Variants in ESRRB observed in about 807,000 individuals in gnomAD.
ESRRB encodes the protein steroid hormone receptor ERR2.
A neutral mutation model predicts 46.0 loss-of-function variants in ESRRB; 16 were observed. The observed-to-expected ratio is 0.35, with a 90% CI of 0.24 to 0.53. The LOEUF (loss-of-function observed/expected upper bound fraction) is 0.53, where lower values mean the gene tolerates loss of function less well. Among genes scored for constraint, ESRRB ranks in the 20% least tolerant of loss-of-function variants. ESRRB has a pLI of 0.93. For synonymous variants in ESRRB, 246 were observed against 259.6 expected (o/e 0.95, Z 0.50); for missense variants, 488 against 607.4 (o/e 0.80, Z 2.07).
chr14:76,334,453 C>T (rs1020732938), intron 1 of ESRRB, among the ~76,000 whole-genome samples: 4 of 152,190 alleles, frequency 2.6e-5, no homozygotes, highest in East Asian at 1.9e-4. Flanking sequence ...GTTGCAGCCT[C>T]GCGCTCACAG....
chr14:76,498,928 C>G lies in ESRRB; in HGVS notation c.*470C>G. 6.0e-6 allele frequency: 3 copies of G among 500,158 alleles called. No homozygotes were observed. Among genetic ancestry groups the G allele is most frequent in the South Asian group, 4.5e-5 (3 of 66,430 alleles). 31.0% of individuals were successfully genotyped at this position (500,158 alleles called of 1,614,324 possible). ...CAGAGGGCAGGTACGCAAGGGACAA[C>G]AGTATCTTTCTTCCAGAGGTCCTAC... On this transcript the variant is annotated 3_prime_UTR_variant, in exon 7 of 7. Transcript: ENST00000644823.
At chr14:76,336,847 TG>T (rs1469169366) in intron 1 of ESRRB, among the ~76,000 whole-genome samples, 1 of 151,954 alleles carries the variant, frequency 6.6e-6, no homozygotes, top group Non-Finnish European at 1.5e-5. Flanking sequence ...CTTACATTTA[TG>T]GGGGTGGGGG....
In ESRRB at chr14:76,376,257, CG is replaced by C. The variant is rs1003427516; in HGVS notation, c.-144del. 6.2e-6 allele frequency: 3 copies of C among 482,182 alleles called. No homozygotes were observed. In the Admixed American group the frequency reaches 1.3e-4, roughly 21 times the overall value. The allele number at this position is 482,182 out of a possible 1,614,324, so 29.9% of individuals were successfully genotyped here. On this transcript the variant is annotated 5_prime_UTR_variant, in exon 1 of 7. An upstream open reading frame in the 5' UTR gains an earlier in-frame stop. Coordinates refer to ENST00000644823, the MANE Select transcript of ESRRB (RefSeq NM_001379180.1). The surrounding 1 kb of genome is among the most constrained non-coding windows in gnomAD (Gnocchi z 4.1). ...CACGGCTCTCTGCCTCCCTCTCCCCCGCCGCGGCCGCCTCCTCCCACTCTGC... is the reference window on the plus strand; with the variant it reads ...CACGGCTCTCTGCCTCCCTCTCCCCCCCGCGGCCGCCTCCTCCCACTCTGC...
At chr14:76,489,260 C>G (rs1402312363) in intron 5 of ESRRB, among the ~76,000 whole-genome samples, 9 of 152,086 alleles carry the variant, frequency 5.9e-5, no homozygotes, top group Non-Finnish European at 1.2e-4. Context: ...AACACTCCCC[C>G]CAACACACTC....
chr14:76,315,236 C>T (rs1566849168), intron 1 of ESRRB, among the ~76,000 whole-genome samples: 3 of 150,580 alleles, frequency 2.0e-5, no homozygotes, highest in South Asian at 4.3e-4. Context: ...TCGAGGTCCT[C>T]GCCTGGTCTC....
chr14:76,481,012 T>C (rs1005109233), intron 3 of ESRRB, among the ~76,000 whole-genome samples: 4 of 152,282 alleles, frequency 2.6e-5, no homozygotes, highest in South Asian at 2.1e-4. Context: ...AGAAGGAACG[T>C]TGTCTGAGGC....
intron 1 of ESRRB, among the ~76,000 whole-genome samples, chr14:76,380,706 G>C (rs959596811): frequency 1.3e-5 from 2 of 152,188 alleles, no homozygotes; most frequent in African/African-American, 4.8e-5. Context: ...GGGAGCTTCT[G>C]TCGTAGAGTC....
chr14:76,491,201 C>G (rs1225912551), intron 5 of ESRRB, among the ~76,000 whole-genome samples: 1 of 152,248 alleles, frequency 6.6e-6, no homozygotes, highest in Non-Finnish European at 1.5e-5. Flanking sequence ...ATAACAACAA[C>G]TGTCAACATT....
At chr14:76,313,156 C>A (rs1883758625) in intron 1 of ESRRB, among the ~76,000 whole-genome samples, 2 of 152,196 alleles carry the variant, frequency 1.3e-5, no homozygotes, top group South Asian at 4.2e-4. Context: ...GAGGGCCTGG[C>A]TTTCATCCTC....
chr14:76,459,467 G>T (rs1014511755), intron 2 of ESRRB, among the ~76,000 whole-genome samples: 1 of 152,206 alleles, frequency 6.6e-6, no homozygotes, highest in East Asian at 1.9e-4. Context: ...GCAAAGCAAA[G>T]GCCTGGCGAC....
At chr14:76,334,714 C>T (rs1884105797) in intron 1 of ESRRB, among the ~76,000 whole-genome samples, 1 of 152,136 alleles carries the variant, frequency 6.6e-6, no homozygotes, top group African/African-American at 2.4e-5. Flanking sequence ...GTAGCTGTGG[C>T]CCAGCCTCTG....
At chr14:76,442,736 CAA>C (rs1406040543) in intron 2 of ESRRB, among the ~76,000 whole-genome samples, 1 of 151,440 alleles carries the variant, frequency 6.6e-6, no homozygotes. Context: ...TTAAATAAAA[CAA>C]TAATTGTTTT....
At chr14:76,380,537 C>T (rs913343355) in intron 1 of ESRRB, among the ~76,000 whole-genome samples, 5 of 152,160 alleles carry the variant, frequency 3.3e-5, no homozygotes, top group Non-Finnish European at 7.3e-5. Context: ...AAGTAAAGCC[C>T]ACACCACACC....
At chr14:76,495,521 C>T (rs1445810945) in intron 6 of ESRRB, 1 of 148,594 alleles carries the variant, frequency 6.7e-6, no homozygotes, top group African/African-American at 2.5e-5. Context: ...CAAGTAGATG[C>T]TCAGAAAGCA....
chr14:76,446,756 G>A (rs1455684544), intron 2 of ESRRB, among the ~76,000 whole-genome samples: 2 of 152,172 alleles, frequency 1.3e-5, no homozygotes, highest in South Asian at 4.1e-4. Flanking sequence ...CAGGCAGACA[G>A]ATCAATTTCT....
Position 76,498,571 on chromosome 14 carries a change from C to T in ESRRB, c.*113C>T. 7 of 1,347,622 alleles carry T rather than the reference C, an allele frequency of 5.2e-6. No individual in the cohort carries two copies. Among genetic ancestry groups the T allele is most frequent in the Non-Finnish European group, 4.9e-6 (5 of 1,017,026 alleles). The allele number at this position is 1,347,622 out of a possible 1,614,324, so 83.5% of individuals were successfully genotyped here. ...TCAACCCCTGTATCATGGCTCTGAG[C>T]TGTCCCAGAGGCGGGGGTTTCTCAC... is the stretch of plus-strand genomic sequence containing the variant. On this transcript the variant is annotated 3_prime_UTR_variant, in exon 7 of 7. Transcript: ENST00000644823.
upstream of ESRRB, among the ~76,000 whole-genome samples, chr14:76,370,010 G>T (rs1884582374): frequency 6.6e-6 from 1 of 152,178 alleles, no homozygotes; most frequent in African/African-American, 2.4e-5. Flanking sequence ...ACTATCATCA[G>T]CCAAAGAGAA....
At chr14:76,463,886 A>C (rs1401774411) in intron 3 of ESRRB, among the ~76,000 whole-genome samples, 1 of 152,066 alleles carries the variant, frequency 6.6e-6, no homozygotes, top group African/African-American at 2.4e-5. Flanking sequence ...TATTATTGAT[A>C]GAGGCAAGGT....
At chr14:76,310,930 C>A (rs1220848639) in intron 1 of ESRRB, 1 of 453,188 alleles carries the variant, frequency 2.2e-6, no homozygotes, top group African/African-American at 2.0e-5. Context: ...AGTAACCCAA[C>A]TTCTCCCTTT....
Sources: gnomAD v4.1 joint callset for allele counts (sites outside exome capture counted in the v4.1 genomes callset) on GRCh38, gnomAD v4.1.1 for gene constraint, Gnocchi (gnomAD v3.1) non-coding constraint, MANE v1.5 for transcripts, NCBI Gene and HGNC (gene_info 2026-07-23, HGNC 2026-07-21) for gene names.